Variants in TSR3 observed in about 807,000 individuals in gnomAD.
TSR3 encodes TSR3 ribosome maturation factor.
A neutral mutation model predicts 28.1 loss-of-function variants in TSR3; 31 were observed. The observed-to-expected ratio is 1.10, with a 90% confidence interval of 0.83 to 1.49. TSR3 has a LOEUF of 1.49. TSR3 is among the 40% of genes most tolerant of loss of function. TSR3 has a pLI of 0.00. For synonymous variants in TSR3, 219 were observed against 197.2 expected, an observed-to-expected ratio of 1.11 and a Z score of -0.93; for missense variants, 511 against 444.0, an observed-to-expected ratio of 1.15 and a Z score of -1.36.
chr16:1,350,807 C>T lies in TSR3; in HGVS notation c.526G>A (p.Gly176Ser). 4 of 1,611,996 alleles carry T rather than the reference C, an allele frequency of 2.5e-6. No homozygotes were observed. The highest frequency in any genetic ancestry group is 3.4e-6 in the Non-Finnish European group (4 of 1,179,238). The change falls in exon 3 of 6, where the codon GGC becomes AGC. Residue 176 changes from glycine to serine, a missense_variant and splice_region_variant. Gly to Ser is a moderately conservative substitution (Grantham distance 56, BLOSUM62 0). Coordinates refer to ENST00000007390, the MANE Select transcript of TSR3 (RefSeq NM_001001410.3). The stretch of plus-strand genomic sequence containing the variant: ...ACTGCTGTGGGGCCCCTGGACTCAC[C>T]TACGATGCAGAAGGTGGCAGCAAAC... The part of the protein sequence containing the change: ...EAFAATFCIV[G>S]FPDLAVILLR...
chr16:1,351,450 C>T lies in TSR3; in HGVS notation c.261G>A (p.Leu87=), dbSNP rs375861067. The T allele has an allele frequency of 6.3e-7, 1 of 1,593,626 alleles. No homozygotes were observed. The highest frequency in any genetic ancestry group is 8.5e-7 in the Non-Finnish European group (1 of 1,177,986). The change falls in exon 2 of 6, where the codon CTG becomes CTA. Residue 87 remains leucine, a synonymous_variant. Transcript: ENST00000007390. ...KLARLGLVRC[L]RLGHRFGGLV... Reference sequence around the variant, plus strand: ...GACCGCCGAATCTGTGGCCCAGGCGCAGGCAGCGCACCAGCCCCAGGCGGG... The same window carrying T: ...GACCGCCGAATCTGTGGCCCAGGCGTAGGCAGCGCACCAGCCCCAGGCGGG...
intron 3 of TSR3, 102 bp downstream of exon 3, chr16:1,350,705 C>G: frequency 7.3e-7 from 1 of 1,365,210 alleles, no homozygotes; most frequent in Non-Finnish European, 1.0e-6. Flanking sequence ...CTGTCCGTCC[C>G]TTATGCTCCT....
chr16:1,350,273 G>A lies in TSR3; in HGVS notation c.527-39C>T, dbSNP rs373399857. On this transcript the variant is annotated intron_variant, in intron 3 of 5. Transcript: ENST00000007390. Reference sequence around the variant, plus strand: ...AAACAGGAAACCCAAAGAAGTCGACGGTCCCCTCAAGTGCCTCCTGATCAC... The same window carrying A: ...AAACAGGAAACCCAAAGAAGTCGACAGTCCCCTCAAGTGCCTCCTGATCAC... The A allele has an allele frequency of 6.8e-5, 106 of 1,555,488 alleles. No individual in the cohort carries two copies. The East Asian group carries it at 2.0e-3, about 30-fold the overall frequency.
chr16:1,351,017 G>A lies in TSR3; in HGVS notation c.333-17C>T, dbSNP rs1413357361. ...ACCAGCTGTCTGCCAGGGACAGCAT[G>A]GGATAAGTTCAGGAGCCAGCACTAC... On this transcript the variant is annotated splice_polypyrimidine_tract_variant and intron_variant, in intron 2 of 5. Transcript: ENST00000007390. 1.5e-5 allele frequency: 24 copies of A among 1,609,894 alleles called. No homozygotes were observed. In the East Asian group the frequency reaches 5.1e-4, roughly 34 times the overall value.
chr16:1,351,622 T>C, intron 1 of TSR3, 24 bp from the exon 2 acceptor site: 1 of 1,455,498 alleles, frequency 6.9e-7, no homozygotes. Flanking sequence ...AGAAGGGCAC[T>C]CGGCCTCAGC....
At position 1,350,756 on chromosome 16, in the gene TSR3, G is replaced by A. The variant is rs760222954; in HGVS notation, c.526+51C>T. 5 of 1,571,880 alleles carry A rather than the reference G, an allele frequency of 3.2e-6. No homozygotes were observed. The South Asian group carries it at 3.5e-5, about 11-fold the overall frequency. On this transcript the variant is annotated intron_variant, in intron 3 of 5. Transcript: ENST00000007390. ...CAGGAAACATGATGCTGGGAGCATAGCAGGAACAGCAGGCCGCCGGGTCAC... is the reference window on the plus strand; with the variant it reads ...CAGGAAACATGATGCTGGGAGCATAACAGGAACAGCAGGCCGCCGGGTCAC...
chr16:1,351,433 A>C lies in TSR3; in HGVS notation c.278T>G (p.Phe93Cys), dbSNP rs937584846. The change falls in exon 2 of 6, where the codon TTC (phenylalanine) becomes TGC (cysteine). Residue 93 changes from phenylalanine to cysteine, a missense_variant. By Grantham distance (205) the Phe-to-Cys change is radical. Coordinates refer to ENST00000007390, the MANE Select transcript of TSR3 (RefSeq NM_001001410.3). ...LVRCLRLGHRFGGLVLSPVGK... is the reference protein window; with the variant it reads ...LVRCLRLGHRCGGLVLSPVGK... ...CACGGGGCTCAGCACCAGACCGCCG[A>C]ATCTGTGGCCCAGGCGCAGGCAGCG... 2 of 1,595,316 alleles carry C rather than the reference A, an allele frequency of 1.3e-6. No homozygotes were observed. Among genetic ancestry groups the C allele is most frequent in the Admixed American group, 1.7e-5 (1 of 59,772 alleles).
chr16:1,351,092 C>T, intron 2 of TSR3, 92 bp from the exon 3 acceptor site: 1 of 1,350,634 alleles, frequency 7.4e-7, no homozygotes, highest in East Asian at 2.4e-5. Context: ...GATTCAGGGA[C>T]ATCATTCCGC....
At chr16:1,349,717 G>C in intron 5 of TSR3, 109 bp from the exon 6 acceptor site, 1 of 1,417,148 alleles carries the variant, frequency 7.1e-7, no homozygotes, top group African/African-American at 1.4e-5. Context: ...CTTCCTCCCT[G>C]TGCTCTCCAC....
chr16:1,351,479 G>A lies in TSR3; in HGVS notation c.232C>T (p.Leu78=). The change falls in exon 2 of 6, where the codon CTG becomes TTG. Residue 78 remains leucine (L), a synonymous_variant. Transcript: ENST00000007390. ...CAGCGCACCAGCCCCAGGCGGGCCA[G>A]CTTGCGGCCCGTGCAGCGCCGGGGG... The part of the protein sequence containing the change: ...CDPRRCTGRK[L]ARLGLVRCLR... 1 of 1,580,368 alleles carries A rather than the reference G, an allele frequency of 6.3e-7. No homozygotes were observed. Among genetic ancestry groups the A allele is most frequent in the Admixed American group, 1.7e-5 (1 of 57,674 alleles).
intron 5 of TSR3, 94 bp from the exon 6 acceptor site, chr16:1,349,702 T>G: frequency 6.9e-7 from 1 of 1,443,464 alleles, no homozygotes; most frequent in East Asian, 2.4e-5. Flanking sequence ...CGAGGACAGA[T>G]TCCTCTTCCT....
At position 1,351,543 on chromosome 16, in the gene TSR3, C is replaced by T; in HGVS notation, c.168G>A (p.Leu56=). ...ACTCCCACATGGCCAGCGTGCAGGG[C>T]AGCGCCGCCGGGCCCGGGCCGCCCT... The part of the protein sequence containing the change: ...DGEGGPGPAA[L]PCTLAMWELG... The change falls in exon 2 of 6, where the codon CTG becomes CTA. Residue 56 remains leucine, a synonymous_variant. Transcript: ENST00000007390. 2 of 1,483,796 alleles carry T rather than the reference C, an allele frequency of 1.3e-6. No homozygotes were observed. Among genetic ancestry groups the T allele is most frequent in the Non-Finnish European group, 1.8e-6 (2 of 1,126,272 alleles). 91.9% of individuals were successfully genotyped at this position (1,483,796 alleles called of 1,614,324 possible).
Position 1,349,994 on chromosome 16 carries a change from C to G in TSR3, c.704-42G>C, listed in dbSNP as rs111929985. 3.2e-4 allele frequency: 518 copies of G among 1,612,342 alleles called. 4 individuals are homozygous for G. In the African/African-American group the frequency reaches 5.1e-3, roughly 16 times the overall value. On this transcript the variant is annotated intron_variant, in intron 4 of 5. Coordinates refer to ENST00000007390, the MANE Select transcript of TSR3 (RefSeq NM_001001410.3). ...AAGTGGCCTCTAAGTGAGCTCAGAG[C>G]AGGACCAGGCCTCCCACCCCCCAGG...
At position 1,351,827 on chromosome 16, in the gene TSR3, G is replaced by T. The variant is rs958857563; in HGVS notation, c.-23C>A. The T allele has an allele frequency of 6.1e-6, 8 of 1,302,674 alleles. No individual in the cohort carries two copies. The East Asian group carries it at 9.7e-5, about 16-fold the overall frequency. The allele number at this position is 1,302,674 out of a possible 1,614,324, so 80.7% of individuals were successfully genotyped here. ...CATGGCGCGGACCTGGGGTGCCGGG[G>T]ACTCCCCACCCCACGGCCGCGCCCC... On this transcript the variant is annotated 5_prime_UTR_variant, in exon 1 of 6. Coordinates refer to ENST00000007390, the MANE Select transcript of TSR3 (RefSeq NM_001001410.3).
Position 1,351,398 on chromosome 16 carries a change from A to G in TSR3, c.313T>C (p.Tyr105His), listed in dbSNP as rs1301389429. 1 of 1,593,688 alleles carries G rather than the reference A, an allele frequency of 6.3e-7. No homozygotes were observed. The highest frequency in any genetic ancestry group is 1.7e-5 in the Admixed American group (1 of 59,224). The stretch of plus-strand genomic sequence containing the variant: ...GCCTACCTGTCTGCGGGGGACGCGT[A>G]CTGCTTGCCCACGGGGCTCAGCACC... ...GLVLSPVGKQYASPADRQLVA... is the reference protein window; with the variant it reads ...GLVLSPVGKQHASPADRQLVA... The change falls in exon 2 of 6, where the codon TAC (tyrosine) becomes CAC (histidine). Residue 105 changes from tyrosine (Y) to histidine (H), a missense_variant. Physicochemically the swap from Tyr to His is moderately conservative, Grantham distance 83. Coordinates refer to ENST00000007390, the MANE Select transcript of TSR3 (RefSeq NM_001001410.3).
chr16:1,349,478 C>G lies in TSR3; in HGVS notation c.898G>C (p.Ala300Pro). 2.5e-6 allele frequency: 4 copies of G among 1,613,718 alleles called. No individual in the cohort carries two copies. The South Asian group carries it at 4.4e-5, about 18-fold the overall frequency. Residue 300 changes from alanine to proline, a missense_variant, in exon 6 of 6, where the codon GCT (alanine) becomes CCT (proline). Physicochemically the swap from Ala to Pro is conservative, Grantham distance 27 (BLOSUM62 -1). Coordinates refer to ENST00000007390, the MANE Select transcript of TSR3 (RefSeq NM_001001410.3). ...TTCTTGATTCCTTTCCAAACCTCAG[C>G]CGGGGCCCTGGCCTCAGCCCCCCGT... Reference protein sequence around the residue: ...QGRGAEARAPAEVWKGIKKRQ... With the variant: ...QGRGAEARAPPEVWKGIKKRQ...
chr16:1,350,021 T>A (rs1374601287), intron 4 of TSR3, 37 bp downstream of exon 4: 1 of 1,610,368 alleles, frequency 6.2e-7, no homozygotes, highest in Non-Finnish European at 8.5e-7. Flanking sequence ...CCCCCCAGGC[T>A]TTGGAGGGCC....
In TSR3 at chr16:1,351,532, A is replaced by G. The variant is rs1362385501; in HGVS notation, c.179T>C (p.Leu60Pro). 6.6e-7 allele frequency: 1 copy of G among 1,519,112 alleles called. No homozygotes were observed. Among genetic ancestry groups the G allele is most frequent in the African/African-American group, 1.4e-5 (1 of 70,820 alleles). The allele number at this position is 1,519,112 out of a possible 1,614,324, so 94.1% of individuals were successfully genotyped here. ...GCAGTGGCCCAACTCCCACATGGCCAGCGTGCAGGGCAGCGCCGCCGGGCC... is the reference window on the plus strand; with the variant it reads ...GCAGTGGCCCAACTCCCACATGGCCGGCGTGCAGGGCAGCGCCGCCGGGCC... ...GPGPAALPCT[L>P]AMWELGHCDP... Residue 60 changes from leucine (L) to proline (P), a missense_variant, in exon 2 of 6, where the codon CTG (leucine) becomes CCG (proline). Physicochemically the swap from Leu to Pro is moderately conservative, Grantham distance 98 (BLOSUM62 -3). Transcript: ENST00000007390.
In TSR3 at chr16:1,349,392, G is replaced by C. The variant is rs375710057; in HGVS notation, c.*45C>G. ...CCCATTTATGTCCCTCATGTCTCTA[G>C]ATTTTCTCGTCACCCAGCCTCAAAA... is the stretch of plus-strand genomic sequence containing the variant. On this transcript the variant is annotated 3_prime_UTR_variant, in exon 6 of 6. Transcript: ENST00000007390. The C allele has an allele frequency of 3.7e-6, 6 of 1,608,064 alleles. No homozygotes were observed. Among genetic ancestry groups the C allele is most frequent in the Admixed American group, 1.7e-5 (1 of 59,978 alleles).
Sources: gnomAD v4.1 joint callset for allele counts on GRCh38, gnomAD v4.1.1 for gene constraint, MANE v1.5 for transcripts, NCBI Gene and HGNC (gene_info 2026-07-23, HGNC 2026-07-21) for gene names.